Variants in SH3BP5 observed in about 807,000 individuals in gnomAD.
SH3BP5 encodes SH3 domain binding protein 5, also known as SH3 domain-binding protein 5.
A neutral mutation model predicts 43.3 loss-of-function variants in SH3BP5; 22 were observed. The observed-to-expected ratio is 0.51, with a 90% CI of 0.36 to 0.73. SH3BP5 has a LOEUF of 0.73. SH3BP5 is among the 30% of genes least tolerant of loss of function. The pLI is 0.00. For synonymous variants in SH3BP5, 255 were observed against 225.8 expected, an observed-to-expected ratio of 1.13 and a Z score of -1.16; for missense variants, 529 against 586.9, an observed-to-expected ratio of 0.90 and a Z score of 1.02.
At chr3:15,333,363 G>A, upstream of SH3BP5, 3 of 618,420 alleles carry the variant, frequency 4.9e-6, no homozygotes, top group Non-Finnish European at 6.1e-6. Context: ...ATGAGCACAT[G>A]GCTGCTCACG....
intron 3 of SH3BP5, among the ~76,000 whole-genome samples, chr3:15,275,051 T>C (rs1255171551): frequency 6.6e-6 from 1 of 151,998 alleles, no homozygotes; most frequent in African/African-American, 2.4e-5. Flanking sequence ...CAGGAAGTAA[T>C]TAGGGTTAGA....
At position 15,314,130 on chromosome 3, in the gene SH3BP5, AT is replaced by A. The variant is rs1046271824; in HGVS notation, c.202-9900del. 7.3e-5 allele frequency among the ~76,000 whole-genome samples: 11 copies of A among 150,650 alleles called. No individual in the cohort carries two copies. The South Asian group carries it at 8.4e-4, about 12-fold the overall frequency. On this transcript the variant is annotated intron_variant, in intron 2 of 8. Transcript: ENST00000383791. ...AAATTAAAACTTAATTAACTTAGTG[AT>A]TTTTTTTTAATTGTTTTTTGGGATG...
chr3:15,338,330 G>C (rs1178609705), intron 1 of SH3BP5, among the ~76,000 whole-genome samples: 5 of 152,158 alleles, frequency 3.3e-5, no homozygotes, highest in Non-Finnish European at 5.9e-5. Context: ...ACAACAGATA[G>C]GGACCCTGTT....
At chr3:15,293,800 G>A (rs1003868952) in intron 3 of SH3BP5, among the ~76,000 whole-genome samples, 8 of 152,196 alleles carry the variant, frequency 5.3e-5, no homozygotes, top group African/African-American at 1.7e-4. Context: ...CTTGCAGGCC[G>A]GACGCAGTGG....
At chr3:15,273,978 C>T (rs891187350) in intron 3 of SH3BP5, among the ~76,000 whole-genome samples, 11 of 152,206 alleles carry the variant, frequency 7.2e-5, no homozygotes, top group African/African-American at 2.2e-4. Context: ...CATGGTGGCT[C>T]ACGCCTGGAA....
intron 4 of SH3BP5, among the ~76,000 whole-genome samples, chr3:15,263,198 T>C (rs777469894): frequency 8.5e-5 from 13 of 152,240 alleles, no homozygotes; most frequent in African/African-American, 1.2e-4. Flanking sequence ...CTGTCCACTT[T>C]CTTCTCAGGT....
chr3:15,256,562 A>G (rs552652373), intron 8 of SH3BP5: 2 of 591,814 alleles, frequency 3.4e-6, no homozygotes, highest in Non-Finnish European at 5.9e-6. Context: ...AATTTGCCAT[A>G]TTCACTTTAT....
chr3:15,265,047 C>G (rs1333701353), intron 4 of SH3BP5, among the ~76,000 whole-genome samples: 1 of 151,780 alleles, frequency 6.6e-6, no homozygotes, highest in Non-Finnish European at 1.5e-5. Flanking sequence ...CTCTAGGCTG[C>G]AAGCAGAAGC....
In SH3BP5 at chr3:15,332,353, G is replaced by C. The variant is rs1698635438; in HGVS notation, c.56C>G (p.Pro19Arg). Reference protein sequence around the residue: ...RSEEPAEILPPARDEEEEEEE... With the variant: ...RSEEPAEILPRARDEEEEEEE... ...CTCCTCCTCCTCCTCGTCCCGGGCA[G>C]GCGGCAGGATTTCGGCTGGCTCCTC... The change falls in exon 1 of 9, where the codon CCT becomes CGT. Residue 19 changes from proline to arginine, a missense_variant. Physicochemically the swap from Pro to Arg is moderately radical, Grantham distance 103 (BLOSUM62 -2). This residue lies in a region of SH3BP5 where 75 missense variants were observed against 61.8 expected (regional missense o/e 1.21). Transcript: ENST00000383791. 6.5e-7 allele frequency: 1 copy of C among 1,541,742 alleles called. No homozygotes were observed. Among genetic ancestry groups the C allele is most frequent in the Non-Finnish European group, 8.7e-7 (1 of 1,148,366 alleles).
chr3:15,285,829 AAC>A (rs372236756), intron 3 of SH3BP5, among the ~76,000 whole-genome samples: 41 of 152,300 alleles, frequency 2.7e-4, no homozygotes, highest in South Asian at 2.1e-3. Flanking sequence ...GGTACACTTA[AAC>A]ACAGCCAAAG....
At chr3:15,289,564 G>A (rs1697355907) in intron 3 of SH3BP5, among the ~76,000 whole-genome samples, 1 of 152,186 alleles carries the variant, frequency 6.6e-6, no homozygotes, top group African/African-American at 2.4e-5. Flanking sequence ...TTGAGAGACG[G>A]AATCCTTGTG....
intron 1 of SH3BP5, among the ~76,000 whole-genome samples, chr3:15,331,505 G>A (rs2124830083): frequency 6.6e-6 from 1 of 152,286 alleles, no homozygotes; most frequent in Admixed American, 6.5e-5. Flanking sequence ...GGGGTGAAGA[G>A]GTGAAACTGT....
At chr3:15,296,035 A>G (rs1254432539) in intron 3 of SH3BP5, among the ~76,000 whole-genome samples, 1 of 152,210 alleles carries the variant, frequency 6.6e-6, no homozygotes, top group Non-Finnish European at 1.5e-5. Flanking sequence ...GCTGACAAAA[A>G]TGTTGTGACC....
At chr3:15,283,811 C>T (rs959759252) in intron 3 of SH3BP5, among the ~76,000 whole-genome samples, 5 of 152,254 alleles carry the variant, frequency 3.3e-5, no homozygotes, top group African/African-American at 9.6e-5. Flanking sequence ...CACAACTCCA[C>T]CTCTACTGCC....
At chr3:15,288,537 C>A (rs1044686156) in intron 3 of SH3BP5, among the ~76,000 whole-genome samples, 10 of 152,128 alleles carry the variant, frequency 6.6e-5, no homozygotes, top group Non-Finnish European at 1.3e-4. Flanking sequence ...GTGAGTGGAT[C>A]GCTTCAGCTC....
At chr3:15,278,110 C>T (rs372175190) in intron 3 of SH3BP5, among the ~76,000 whole-genome samples, 24 of 152,350 alleles carry the variant, frequency 1.6e-4, no homozygotes, top group African/African-American at 4.8e-4. Context: ...GGCCCCTGCT[C>T]GATGGGGGCA....
At chr3:15,317,408 A>T (rs1442646747) in intron 2 of SH3BP5, among the ~76,000 whole-genome samples, 1 of 152,218 alleles carries the variant, frequency 6.6e-6, no homozygotes, top group African/African-American at 2.4e-5. Flanking sequence ...CAAAATGTTA[A>T]GAAAGGAGAG....
rs187172986 is a variant in SH3BP5 at position 15,331,618 on chromosome 3, T to C, written c.138+653A>G. ...CCCTCGCCGCCTCCACGCGTCAGCT[T>C]TGCGCATCAGTTGTCCCCGATTTCT... On this transcript the variant is annotated intron_variant, in intron 1 of 8. Coordinates refer to ENST00000383791, the MANE Select transcript of SH3BP5 (RefSeq NM_004844.5). Among the ~76,000 whole-genome samples, 177 of 152,208 alleles carry C rather than the reference T, an allele frequency of 1.2e-3. 1 individual carries two copies. Among genetic ancestry groups the C allele is most frequent in the African/African-American group, 4.2e-3 (174 of 41,532 alleles).
At chr3:15,295,653 A>T (rs1389729883) in intron 3 of SH3BP5, among the ~76,000 whole-genome samples, 1 of 152,184 alleles carries the variant, frequency 6.6e-6, no homozygotes, top group Non-Finnish European at 1.5e-5. Context: ...GAGTCAACAA[A>T]ACGACACATG....
Sources: allele counts gnomAD v4.1 joint callset (sites outside exome capture counted in the v4.1 genomes callset), GRCh38; gene constraint gnomAD v4.1.1; regional missense constraint gnomAD v4.1.1; transcripts MANE v1.5; gene names NCBI Gene and HGNC (gene_info 2026-07-23, HGNC 2026-07-21).